ITPRID1: variants seen among roughly 807,000 people sequenced by gnomAD.
ITPRID1 encodes the protein protein ITPRID1.
ITPRID1 carries 96 observed loss-of-function variants against 95.4 expected under a neutral mutation model. The observed-to-expected ratio is 1.01, with a 90% CI of 0.85 to 1.19. The LOEUF is 1.19. Among genes scored for constraint, ITPRID1 ranks in the 50% most tolerant of loss-of-function variants. The pLI, the probability that ITPRID1 is intolerant of heterozygous loss-of-function variation, is 0.00. For synonymous variants in ITPRID1, 510 were observed against 453.6 expected (o/e 1.12, Z -1.58); for missense variants, 1,339 against 1,252.9 (o/e 1.07, Z -1.04).
At chr7:31,562,429 C>T (rs1439043881) in intron 5 of ITPRID1, among the ~76,000 whole-genome samples, 3 of 152,130 alleles carry the variant, frequency 2.0e-5, no homozygotes, top group Non-Finnish European at 4.4e-5. Flanking sequence ...TTTCTTCTCC[C>T]ATCCCCAGAG....
At chr7:31,562,988 G>A (rs1784676374) in intron 5 of ITPRID1, among the ~76,000 whole-genome samples, 1 of 152,038 alleles carries the variant, frequency 6.6e-6, no homozygotes, top group Non-Finnish European at 1.5e-5. Context: ...AAATTGTTAG[G>A]GATATCATCC....
At chr7:31,583,297 G>GTAC in intron 10 of ITPRID1, 106 bp downstream of exon 10, 1 of 757,706 alleles carries the variant, frequency 1.3e-6, no homozygotes, top group Non-Finnish European at 2.1e-6. Flanking sequence ...TCTCTAGAAG[G>GTAC]TACTCTAAAT....
chr7:31,551,937 T>C, intron 2 of ITPRID1: 1 of 418,564 alleles, frequency 2.4e-6, no homozygotes, highest in South Asian at 1.7e-5. Flanking sequence ...TCAGAAAGTG[T>C]GGCTTGAAAC....
chr7:31,524,816 A>G (rs1029229298), intron 1 of ITPRID1, among the ~76,000 whole-genome samples: 1 of 152,180 alleles, frequency 6.6e-6, no homozygotes, highest in Non-Finnish European at 1.5e-5. Context: ...GTCTATCTTC[A>G]TCTTACAAAG....
intron 12 of ITPRID1, among the ~76,000 whole-genome samples, chr7:31,648,973 A>G (rs183676574): frequency 1.3e-5 from 2 of 152,348 alleles, no homozygotes; most frequent in African/African-American, 4.8e-5. Flanking sequence ...GGTCTACAAG[A>G]TCTTTTCTGG....
intron 10 of ITPRID1, among the ~76,000 whole-genome samples, chr7:31,585,842 T>TTTA (rs908478140): frequency 2.6e-5 from 4 of 152,148 alleles, no homozygotes; most frequent in Non-Finnish European, 4.4e-5. Context: ...ATCTTTTTTT[T>TTTA]TTATTATTAT....
At chr7:31,644,311 G>A (rs750420355) in intron 12 of ITPRID1, among the ~76,000 whole-genome samples, 6 of 152,090 alleles carry the variant, frequency 3.9e-5, no homozygotes, top group Non-Finnish European at 5.9e-5. Context: ...TCTTAAATTC[G>A]TTTAGCTATA....
chr7:31,643,364 C>T lies in ITPRID1; in HGVS notation c.1994C>T (p.Pro665Leu), dbSNP rs1790198432. ...DLAQTSEKLI[P>L]HLHKLPGDPA... is the part of the protein sequence containing the mutation. ...GCTCAAACATCTGAAAAGCTCATTCCCCACCTCCATAAACTGCCTGGAGAT... is the reference window on the plus strand; with the variant it reads ...GCTCAAACATCTGAAAAGCTCATTCTCCACCTCCATAAACTGCCTGGAGAT... Residue 665 changes from proline to leucine, a missense_variant, in exon 12 of 15, where the codon CCC becomes CTC. Transcript: ENST00000615280. 2 of 1,613,994 alleles carry T rather than the reference C, an allele frequency of 1.2e-6. No homozygotes were observed. Among genetic ancestry groups the T allele is most frequent in the Non-Finnish European group, 1.7e-6 (2 of 1,179,904 alleles).
chr7:31,549,571 A>G, intron 2 of ITPRID1, 72 bp downstream of exon 2: 1 of 1,094,686 alleles, frequency 9.1e-7, no homozygotes, highest in Non-Finnish European at 1.3e-6. Flanking sequence ...CATACTCATT[A>G]TAGATATGAG....
chr7:31,634,469 T>C (rs1789297489), intron 10 of ITPRID1, among the ~76,000 whole-genome samples: 1 of 152,158 alleles, frequency 6.6e-6, no homozygotes, highest in African/African-American at 2.4e-5. Context: ...TTCATTACTT[T>C]CCCTATGAGG....
chr7:31,552,966 A>T, intron 2 of ITPRID1, 36 bp from the exon 3 acceptor site: 1 of 1,559,698 alleles, frequency 6.4e-7, no homozygotes, highest in Non-Finnish European at 8.7e-7. Context: ...AGCTGAACTC[A>T]TCGTGTCTGA....
Position 31,525,469 on chromosome 7 carries a change from C to G in ITPRID1, c.-98+11349C>G, listed in dbSNP as rs2128128454. On this transcript the variant is annotated intron_variant, in intron 1 of 14. Coordinates refer to ENST00000615280, the MANE Select transcript of ITPRID1 (RefSeq NM_001257967.3). ...AGGTCCCCTTGGGGAAAAATCAGTG[C>G]TAGTTGAGACTCCATGGTATAGTAA... 2.0e-5 allele frequency among the ~76,000 whole-genome samples: 3 copies of G among 152,300 alleles called. No homozygotes were observed. The South Asian group carries it at 6.2e-4, about 32-fold the overall frequency.
At chr7:31,599,584 ATTTTCTTT>A (rs1283246955) in intron 10 of ITPRID1, among the ~76,000 whole-genome samples, 2 of 124,308 alleles carry the variant, frequency 1.6e-5, no homozygotes, top group African/African-American at 6.1e-5. Context: ...TTGTTGTGTT[ATTTTCTTT>A]CTTTCTTTCT....
In ITPRID1 at chr7:31,532,554, A is replaced by G. The variant is rs190282835; in HGVS notation, c.-97-16872A>G. Among the ~76,000 whole-genome samples the G allele has an allele frequency of 2.5e-3, 387 of 152,334 alleles. 1 individual carries two copies. The highest frequency in any genetic ancestry group is 8.6e-3 in the African/African-American group (357 of 41,572). On this transcript the variant is annotated intron_variant, in intron 1 of 14. Transcript: ENST00000615280. Reference sequence around the variant, plus strand: ...TCTAGTTTGTTAAGAGTTTTTGATCATGAATGGGTGTGAATGTTGTCAAAT... The same window carrying G: ...TCTAGTTTGTTAAGAGTTTTTGATCGTGAATGGGTGTGAATGTTGTCAAAT...
intron 1 of ITPRID1, among the ~76,000 whole-genome samples, chr7:31,532,504 T>G (rs1004159305): frequency 5.9e-5 from 9 of 152,228 alleles, no homozygotes; most frequent in Non-Finnish European, 8.8e-5. Flanking sequence ...CAGATATACC[T>G]GTGGTTTGAA....
intron 10 of ITPRID1, among the ~76,000 whole-genome samples, chr7:31,638,097 C>T (rs1389147017): frequency 2.6e-5 from 4 of 152,074 alleles, no homozygotes; most frequent in Non-Finnish European, 5.9e-5. Flanking sequence ...TTGCATAGTA[C>T]TGAAAAAACA....
intron 1 of ITPRID1, among the ~76,000 whole-genome samples, chr7:31,529,137 ACTT>A (rs1377079130): frequency 2.6e-5 from 4 of 152,086 alleles, no homozygotes; most frequent in African/African-American, 9.7e-5. Flanking sequence ...CACAATTTGG[ACTT>A]CTTCTTTATG....
In ITPRID1 at chr7:31,654,934, C is replaced by G. The variant is rs909692002; in HGVS notation, c.*2105C>G. Among the ~76,000 whole-genome samples the G allele has an allele frequency of 1.3e-5, 2 of 152,092 alleles. No individual in the cohort carries two copies. Among genetic ancestry groups the G allele is most frequent in the African/African-American group, 4.8e-5 (2 of 41,412 alleles). The stretch of plus-strand genomic sequence containing the variant: ...CTTTGACTCAGCGGGGCCTTCCTAC[C>G]CTTGGGACCACCACACTATTTTTCC... On this transcript the variant is annotated 3_prime_UTR_variant, in exon 15 of 15. Transcript: ENST00000615280.
intron 13 of ITPRID1, 61 bp from the exon 14 acceptor site, chr7:31,651,878 A>G: frequency 8.4e-6 from 10 of 1,190,236 alleles, no homozygotes; most frequent in Non-Finnish European, 1.2e-5. Flanking sequence ...TGAGGTGACA[A>G]TGGAAGATTG....
Sources: allele counts gnomAD v4.1 joint callset (sites outside exome capture counted in the v4.1 genomes callset), GRCh38; gene constraint gnomAD v4.1.1; transcripts MANE v1.5; gene names NCBI Gene and HGNC (gene_info 2026-07-23, HGNC 2026-07-21).